DACH1: variants seen among roughly 807,000 people sequenced by gnomAD.
DACH1 encodes dachshund family transcription factor 1.
Under a neutral mutation model 54.2 loss-of-function variants are expected in DACH1, and 12 were observed. That is an observed-to-expected ratio of 0.22 (90% confidence interval 0.14 to 0.36). The LOEUF (loss-of-function observed/expected upper bound fraction) is 0.36. DACH1 is among the 10% of genes least tolerant of loss of function. DACH1 has a pLI of 1.00. For synonymous variants in DACH1, 386 were observed against 366.2 expected (o/e 1.05, Z -0.62); for missense variants, 805 against 929.8 (o/e 0.87, Z 1.75).
chr13:71,834,143 G>A (rs1888690404), intron 1 of DACH1, among the ~76,000 whole-genome samples: 1 of 151,974 alleles, frequency 6.6e-6, no homozygotes, highest in South Asian at 2.1e-4. Context: ...AATTAAAGTA[G>A]CGAAATATCC....
chr13:71,683,510 G>A (rs1473216398), intron 1 of DACH1, among the ~76,000 whole-genome samples: 1 of 152,090 alleles, frequency 6.6e-6, no homozygotes, highest in African/African-American at 2.4e-5. Flanking sequence ...AATAGGAAGA[G>A]GAGCAGTGAT....
intron 1 of DACH1, among the ~76,000 whole-genome samples, chr13:71,769,790 A>C (rs1885779530): frequency 1.3e-5 from 2 of 151,794 alleles, no homozygotes; most frequent in South Asian, 2.1e-4. Flanking sequence ...AGAAGACCAA[A>C]TATATCAGTT....
At chr13:71,760,088 ATC>A (rs1202089166) in intron 1 of DACH1, among the ~76,000 whole-genome samples, 1 of 152,202 alleles carries the variant, frequency 6.6e-6, no homozygotes, top group Non-Finnish European at 1.5e-5. Context: ...GCCACAGCCT[ATC>A]ACAGGCTACC....
intron 3 of DACH1, among the ~76,000 whole-genome samples, chr13:71,629,826 G>GA (rs974241862): frequency 6.6e-6 from 1 of 151,750 alleles, no homozygotes; most frequent in African/African-American, 2.4e-5. Context: ...TGCAATAGCA[G>GA]AAAAAAAATG....
chr13:71,667,946 A>G (rs921754412), intron 2 of DACH1, among the ~76,000 whole-genome samples: 4 of 152,112 alleles, frequency 2.6e-5, no homozygotes, highest in Admixed American at 6.5e-5. Context: ...AATTCCCTAA[A>G]AGAATTTTAT....
At chr13:71,522,618 A>C (rs1429407293) in intron 6 of DACH1, among the ~76,000 whole-genome samples, 1 of 152,066 alleles carries the variant, frequency 6.6e-6, no homozygotes, top group Non-Finnish European at 1.5e-5. Context: ...TCAGTTTATT[A>C]AACAGATTTC....
intron 10 of DACH1, among the ~76,000 whole-genome samples, chr13:71,460,792 T>C (rs1007911802): frequency 6.6e-6 from 1 of 152,048 alleles, no homozygotes; most frequent in African/African-American, 2.4e-5. Flanking sequence ...CTTATTCCAG[T>C]CCCATTTGAC....
chr13:71,646,713 G>A (rs550593306), intron 2 of DACH1, among the ~76,000 whole-genome samples: 4 of 152,160 alleles, frequency 2.6e-5, no homozygotes, highest in African/African-American at 7.2e-5. Flanking sequence ...AAAATCCTCC[G>A]TACTTATTTT....
chr13:71,681,973 T>A, intron 1 of DACH1, 63 bp from the exon 2 acceptor site: 1 of 1,003,842 alleles, frequency 1.0e-6, no homozygotes. Context: ...ATTTCAAAGT[T>A]GTTTCAAGTG....
At chr13:71,807,377 CCT>C (rs1249921650) in intron 1 of DACH1, among the ~76,000 whole-genome samples, 2 of 144,798 alleles carry the variant, frequency 1.4e-5, no homozygotes, top group Admixed American at 7.2e-5. Context: ...TTCCCTCGCC[CCT>C]GTCATTTTAT....
rs186991067 is a variant in DACH1 at position 71,668,727 on chromosome 13, C to T, written c.964+13068G>A. 1.1e-4 allele frequency among the ~76,000 whole-genome samples: 17 copies of T among 152,054 alleles called. 1 individual carries two copies. The highest frequency in any genetic ancestry group is 7.2e-4 in the Admixed American group (11 of 15,266). ...ATTGCTTCAGGTCAAGAGGTCGAGA[C>T]CAGCCTGGCCAACATGGTGAAACCC... On this transcript the variant is annotated intron_variant, in intron 2 of 10. Coordinates refer to ENST00000613252, the MANE Select transcript of DACH1 (RefSeq NM_080759.6).
At chr13:71,469,359 A>G (rs762424256) in intron 10 of DACH1, among the ~76,000 whole-genome samples, 2 of 152,172 alleles carry the variant, frequency 1.3e-5, no homozygotes, top group Non-Finnish European at 2.9e-5. Flanking sequence ...GATTTAAGAA[A>G]AAAAAAAGCT....
chr13:71,444,387 A>G (rs778677524), intron 10 of DACH1, among the ~76,000 whole-genome samples: 1 of 152,130 alleles, frequency 6.6e-6, no homozygotes, highest in Non-Finnish European at 1.5e-5. Flanking sequence ...ATTCAATTAT[A>G]TTGAGATTAT....
chr13:71,508,487 G>A (rs957966490), intron 6 of DACH1, among the ~76,000 whole-genome samples: 3 of 151,190 alleles, frequency 2.0e-5, no homozygotes, highest in Non-Finnish European at 2.9e-5. Flanking sequence ...TTTGTAGATA[G>A]ATAGGATCTT....
intron 3 of DACH1, among the ~76,000 whole-genome samples, chr13:71,603,348 G>T (rs186663471): frequency 1.3e-5 from 2 of 151,966 alleles, no homozygotes; most frequent in African/African-American, 4.8e-5. Context: ...GTCACTGTAA[G>T]AGGGCAGTAT....
At chr13:71,513,725 A>G (rs1387276410) in intron 6 of DACH1, among the ~76,000 whole-genome samples, 3 of 152,040 alleles carry the variant, frequency 2.0e-5, no homozygotes, top group African/African-American at 7.2e-5. Flanking sequence ...AGGGTTTTGT[A>G]TAATGTATTA....
At chr13:71,543,102 A>G (rs893048721) in intron 6 of DACH1, among the ~76,000 whole-genome samples, 1 of 152,148 alleles carries the variant, frequency 6.6e-6, no homozygotes, top group East Asian at 1.9e-4. Context: ...CCTAAGTTTG[A>G]AAACTGGATT....
chr13:71,697,563 C>T (rs1881894192), intron 1 of DACH1, among the ~76,000 whole-genome samples: 1 of 152,122 alleles, frequency 6.6e-6, no homozygotes, highest in Non-Finnish European at 1.5e-5. Context: ...AATTATCAAC[C>T]AAAGTAGTCT....
intron 3 of DACH1, among the ~76,000 whole-genome samples, chr13:71,629,936 T>C (rs1038219985): frequency 1.3e-5 from 2 of 152,284 alleles, no homozygotes; most frequent in South Asian, 2.1e-4. Flanking sequence ...AAATGGATAG[T>C]TGGCACAGGT....
Sources: allele counts gnomAD v4.1 joint callset (sites outside exome capture counted in the v4.1 genomes callset), GRCh38; gene constraint gnomAD v4.1.1; transcripts MANE v1.5; gene names NCBI Gene and HGNC (gene_info 2026-07-23, HGNC 2026-07-21).